Variants in ULK4 observed in about 807,000 individuals in gnomAD.
The protein encoded by ULK4 is inactive serine/threonine-protein kinase ULK4.
A neutral mutation model predicts 160.6 loss-of-function variants in ULK4; 133 were observed. That is an observed-to-expected ratio of 0.83 (90% confidence interval 0.72 to 0.96). The LOEUF (loss-of-function observed/expected upper bound fraction) is 0.96, where lower values mean the gene tolerates loss of function less well. Among genes scored for constraint, ULK4 ranks in the 40% least tolerant of loss-of-function variants. ULK4 has a pLI of 0.00. For synonymous variants in ULK4, 534 were observed against 539.8 expected (o/e 0.99, Z 0.15); for missense variants, 1,580 against 1,499.5 (o/e 1.05, Z -0.89).
intron 21 of ULK4, among the ~76,000 whole-genome samples, chr3:41,786,502 T>TGA (rs1464222452): frequency 6.7e-6 from 1 of 149,550 alleles, no homozygotes; most frequent in African/African-American, 2.5e-5. Flanking sequence ...CTCAGGAGGC[T>TGA]GAGGTGGTCA....
At chr3:41,660,807 T>C (rs1430430706) in intron 30 of ULK4, among the ~76,000 whole-genome samples, 1 of 152,104 alleles carries the variant, frequency 6.6e-6, no homozygotes, top group Admixed American at 6.5e-5. Context: ...AAGACACAGG[T>C]ATCCAGAAAG....
intron 19 of ULK4, among the ~76,000 whole-genome samples, chr3:41,801,532 T>TA (rs113457882): frequency 0.23 from 32,786 of 142,670 alleles, 4,006 homozygotes; most frequent in African/African-American, 0.35. Context: ...CAGACTGCTT[T>TA]AAAAAAAAAA....
chr3:41,833,277 T>C (rs1426496186), intron 18 of ULK4, among the ~76,000 whole-genome samples: 1 of 126,426 alleles, frequency 7.9e-6, no homozygotes, highest in East Asian at 2.0e-4. Flanking sequence ...TTAAGTTGTT[T>C]TTTTTTTTGT....
At chr3:41,938,218 C>A in intron 2 of ULK4, 21 bp from the exon 3 acceptor site, 6 of 1,590,674 alleles carry the variant, frequency 3.8e-6, no homozygotes, top group Non-Finnish European at 4.3e-6. Context: ...ACAGAGCAAT[C>A]ACTCTAAAAA....
chr3:41,959,101 C>T (rs911806327), intron 1 of ULK4, among the ~76,000 whole-genome samples: 1 of 152,118 alleles, frequency 6.6e-6, no homozygotes, highest in Non-Finnish European at 1.5e-5. Context: ...CAGTGGCTTA[C>T]GCCTGTAATC....
chr3:41,759,383 T>C (rs57630178), intron 21 of ULK4, among the ~76,000 whole-genome samples: 1 of 152,090 alleles, frequency 6.6e-6, no homozygotes, highest in Non-Finnish European at 1.5e-5. Flanking sequence ...CACTTTTCAA[T>C]AGCTCCAACA....
chr3:41,524,172 G>C (rs1295860707), intron 32 of ULK4, among the ~76,000 whole-genome samples: 1 of 152,118 alleles, frequency 6.6e-6, no homozygotes, highest in Non-Finnish European at 1.5e-5. Flanking sequence ...TTTCTGAGGT[G>C]ACAAAAATGT....
chr3:41,631,255 A>AGGGTTGAGATTTCG (rs2033730853), intron 30 of ULK4, among the ~76,000 whole-genome samples: 1 of 152,212 alleles, frequency 6.6e-6, no homozygotes, highest in African/African-American at 2.4e-5. Context: ...TTGAGATTTC[A>AGGGTTGAGATTTCG]GCAGCGTTAG....
chr3:41,651,170 T>A (rs1220971813), intron 30 of ULK4, among the ~76,000 whole-genome samples: 4 of 152,224 alleles, frequency 2.6e-5, no homozygotes, highest in Non-Finnish European at 5.9e-5. Context: ...CTCATCATAC[T>A]GACCCTCTCA....
chr3:41,319,785 G>C (rs2080213132), intron 35 of ULK4, among the ~76,000 whole-genome samples: 1 of 152,170 alleles, frequency 6.6e-6, no homozygotes, highest in Non-Finnish European at 1.5e-5. Context: ...TCTGGAAATG[G>C]AGATTCAAAG....
chr3:41,922,620 G>T (rs1699230875), intron 5 of ULK4, among the ~76,000 whole-genome samples: 1 of 151,022 alleles, frequency 6.6e-6, no homozygotes, highest in Non-Finnish European at 1.5e-5. Context: ...GGGTGAGGGG[G>T]GTGGCAAGGT....
chr3:41,609,358 A>G lies in ULK4; in HGVS notation c.3120+6311T>C, dbSNP rs139613546. ...TGAGCAACTTCACTTCATTCAATCCAGTATCAATAGATTGTACCCGAGCCC... is the reference window on the plus strand; with the variant it reads ...TGAGCAACTTCACTTCATTCAATCCGGTATCAATAGATTGTACCCGAGCCC... On this transcript the variant is annotated intron_variant, in intron 31 of 36. Coordinates refer to ENST00000301831, the MANE Select transcript of ULK4 (RefSeq NM_017886.4). 1.4e-3 allele frequency among the ~76,000 whole-genome samples: 216 copies of G among 152,310 alleles called. 1 individual carries two copies. The highest frequency in any genetic ancestry group is 3.4e-3 in the Middle Eastern group (1 of 294).
chr3:41,800,223 G>A lies in ULK4; in HGVS notation c.1919C>T (p.Ser640Phe). The A allele has an allele frequency of 6.2e-7, 1 of 1,613,800 alleles. No homozygotes were observed. Among genetic ancestry groups the A allele is most frequent in the South Asian group, 1.1e-5 (1 of 91,044 alleles). Residue 640 changes from serine to phenylalanine, a missense_variant, in exon 20 of 37, where the codon TCC (serine) becomes TTC (phenylalanine). Transcript: ENST00000301831. ...ENVCTTFSAQ[S>F]QGFITGEIGP... is the part of the protein sequence containing the mutation. ...TATTTCTCCTGTAATAAAGCCCTGG[G>A]ACTGAGCAGAAAAGGTGGTACAGAC...
At chr3:41,250,087 C>A (rs1273592453) in intron 35 of ULK4, among the ~76,000 whole-genome samples, 1 of 152,156 alleles carries the variant, frequency 6.6e-6, no homozygotes, top group Non-Finnish European at 1.5e-5. Context: ...CTAATCGCCA[C>A]AGTCCTATGA....
chr3:41,791,503 G>T (rs1301041911), intron 20 of ULK4, among the ~76,000 whole-genome samples: 1 of 152,176 alleles, frequency 6.6e-6, no homozygotes, highest in Admixed American at 6.5e-5. Context: ...TCACATCAAG[G>T]AAAATCTAGG....
intron 29 of ULK4, among the ~76,000 whole-genome samples, chr3:41,670,504 T>C (rs754700876): frequency 3.3e-5 from 5 of 152,058 alleles, no homozygotes; most frequent in Non-Finnish European, 7.4e-5. Context: ...TAAATGGATA[T>C]GTAAATGAAT....
chr3:41,917,809 G>A (rs543609668), intron 7 of ULK4, among the ~76,000 whole-genome samples: 11 of 151,910 alleles, frequency 7.2e-5, no homozygotes, highest in South Asian at 2.1e-4. Context: ...GTGAAACCCC[G>A]TCTCTAATAA....
chr3:41,841,254 TG>T (rs2041917231), intron 17 of ULK4, among the ~76,000 whole-genome samples: 1 of 120,100 alleles, frequency 8.3e-6, no homozygotes, highest in South Asian at 2.8e-4. Context: ...ATCTGGGAGG[TG>T]GGGAGCGCCT....
At chr3:41,946,236 C>T (rs1426073545) in intron 2 of ULK4, among the ~76,000 whole-genome samples, 2 of 152,108 alleles carry the variant, frequency 1.3e-5, no homozygotes, top group Non-Finnish European at 2.9e-5. Flanking sequence ...ACAATACTTG[C>T]AATAACACAG....
Sources: gnomAD v4.1 joint callset for allele counts (sites outside exome capture counted in the v4.1 genomes callset) on GRCh38, gnomAD v4.1.1 for gene constraint, MANE v1.5 for transcripts, NCBI Gene and HGNC (gene_info 2026-07-23, HGNC 2026-07-21) for gene names.